The following HNF1A variants were observed in gnomAD, a reference collection of about 807,000 sequenced individuals.
The protein encoded by HNF1A is hepatocyte nuclear factor 1-alpha.
In HNF1A, 21 loss-of-function variants were observed where a neutral mutation model predicts 62.2. The observed-to-expected ratio is 0.34, with a 90% CI of 0.24 to 0.49. HNF1A has a LOEUF of 0.49. Among genes scored for constraint, HNF1A ranks in the 20% least tolerant of loss-of-function variants. The pLI, the probability that HNF1A is intolerant of heterozygous loss-of-function variation, is 0.99. For synonymous variants in HNF1A, 374 were observed against 366.8 expected (o/e 1.02, Z -0.22); for missense variants, 687 against 832.3 (o/e 0.83, Z 2.15).
chr12:120,996,598 T>G lies in HNF1A; in HGVS notation c.1165T>G (p.Leu389Val), dbSNP rs115080759. The G allele has an allele frequency of 3.7e-4, 593 of 1,614,040 alleles. 4 individuals carry two copies. The African/African-American group carries it at 7.0e-3, about 19-fold the overall frequency. Reference protein sequence around the residue: ...PVSTLTALHSLEQTSPGLNQQ... With the variant: ...PVSTLTALHSVEQTSPGLNQQ... The stretch of plus-strand genomic sequence containing the variant: ...CAGCACCCTGACAGCACTGCACAGC[T>G]TGGAGCAGACATCCCCAGGCCTCAA... The change falls in exon 6 of 10, where the codon TTG becomes GTG. Residue 389 changes from leucine (L) to valine (V), a missense_variant. Physicochemically the swap from Leu to Val is conservative, Grantham distance 32 (BLOSUM62 1). Around this residue, in one of 5 missense-constraint regions of HNF1A, gnomAD observed 408 missense variants for 455.3 expected, o/e 0.90. Coordinates refer to ENST00000257555, the MANE Select transcript of HNF1A (RefSeq NM_000545.8). The surrounding 1 kb of genome is among the most constrained non-coding windows in gnomAD (Gnocchi z 4.5).
At position 121,002,144 on chromosome 12, in the gene HNF1A, G is replaced by A; in HGVS notation, c.*952G>A. The A allele has an allele frequency of 1.9e-6, 1 of 515,136 alleles. No individual in the cohort carries two copies. Among genetic ancestry groups the A allele is most frequent in the South Asian group, 1.6e-5 (1 of 62,352 alleles). The allele number at this position is 515,136 out of a possible 1,614,324, so 31.9% of individuals were successfully genotyped here. Reference sequence around the variant, plus strand: ...GCCCGAGCAGCTGAGCAGGGCCGGGGAACTGGCCAAGCTGAGGTGCCCAGG... The same window carrying A: ...GCCCGAGCAGCTGAGCAGGGCCGGGAAACTGGCCAAGCTGAGGTGCCCAGG... On this transcript the variant is annotated 3_prime_UTR_variant, in exon 10 of 10. Coordinates refer to ENST00000257555, the MANE Select transcript of HNF1A (RefSeq NM_000545.8).
intron 1 of HNF1A, among the ~76,000 whole-genome samples, chr12:120,983,916 C>CTGTGTGTGTGTGTGTGTGTGTG (rs61680384): frequency 0.01 from 1,383 of 137,284 alleles, 24 homozygotes; most frequent in African/African-American, 0.028. Context: ...CTTGAAGACT[C>CTGTGTGTGTGTGTGTGTGTGTG]TGTGTGTGTG....
chr12:120,999,739 G>C, intron 9 of HNF1A, 112 bp downstream of exon 9: 2 of 1,365,532 alleles, frequency 1.5e-6, no homozygotes, highest in East Asian at 2.5e-5. Context: ...AGCAGGCCTA[G>C]GGCTGCTGTG....
At chr12:120,994,522 A>G in intron 4 of HNF1A, 117 bp downstream of exon 4, 1 of 1,151,978 alleles carries the variant, frequency 8.7e-7, no homozygotes, top group Non-Finnish European at 1.2e-6. Context: ...CATTCCATTC[A>G]TGCCACTCCT....
At chr12:120,980,583 A>C (rs570603611) in intron 1 of HNF1A, 1 of 150,910 alleles carries the variant, frequency 6.6e-6, no homozygotes, top group East Asian at 2.0e-4. Context: ...TGACCTGCCC[A>C]GGGCCCCAGA....
intron 9 of HNF1A, 98 bp from the exon 10 acceptor site, chr12:121,000,967 G>A (rs1272774651): frequency 6.6e-7 from 1 of 1,521,702 alleles, no homozygotes; most frequent in Non-Finnish European, 9.0e-7. Flanking sequence ...TCCAGGAGGT[G>A]TGGCCCTGCC....
chr12:120,990,237 G>T (rs1249504279), intron 2 of HNF1A, among the ~76,000 whole-genome samples: 3 of 151,996 alleles, frequency 2.0e-5, no homozygotes, highest in South Asian at 2.1e-4. Context: ...CGCCTTCCGG[G>T]TTCATGCCAT....
chr12:120,987,039 A>G (rs1402269467), intron 1 of HNF1A, among the ~76,000 whole-genome samples: 3 of 152,186 alleles, frequency 2.0e-5, no homozygotes, highest in Non-Finnish European at 4.4e-5. Context: ...CAGCAGAGAC[A>G]TGACTCACAG....
intron 1 of HNF1A, among the ~76,000 whole-genome samples, chr12:120,988,427 T>C (rs897146638): frequency 2.0e-5 from 3 of 149,698 alleles, no homozygotes; most frequent in Non-Finnish European, 4.5e-5. Context: ...CATCCATCCA[T>C]CCACCCACCC....
chr12:121,001,026 T>A (rs1592900510), intron 9 of HNF1A, 39 bp from the exon 10 acceptor site: 2 of 1,610,410 alleles, frequency 1.2e-6, no homozygotes. Context: ...TGGGTGTGGG[T>A]GCCTGGTGGG....
intron 4 of HNF1A, among the ~76,000 whole-genome samples, chr12:120,995,829 C>T (rs1275711733): frequency 1.3e-5 from 2 of 152,118 alleles, no homozygotes; most frequent in Non-Finnish European, 2.9e-5. Context: ...TCATTCCACT[C>T]AATTCCATCT....
chr12:120,989,560 T>C (rs560761223), intron 2 of HNF1A, among the ~76,000 whole-genome samples: 2 of 152,322 alleles, frequency 1.3e-5, no homozygotes, highest in Admixed American at 6.5e-5. Flanking sequence ...ATACCCGGCC[T>C]GGGTCCCTGC....
chr12:120,984,343 T>TGAGAATGA (rs762932092), intron 1 of HNF1A, among the ~76,000 whole-genome samples: 39 of 149,408 alleles, frequency 2.6e-4, no homozygotes, highest in Middle Eastern at 3.4e-3. Context: ...AGAATGAGAA[T>TGAGAATGA]GAGAGAGAGA....
Position 120,996,412 on chromosome 12 carries a change from T to A in HNF1A, c.1106T>A (p.Leu369Gln). ...AGCCTGCTGAGTACAGAAGCCAAGC[T>A]GGTGAGTGTCCTTGCTTGTAAGGAA... ...SHSLLSTEAK[L>Q]VSAAGGPLPP... Residue 369 changes from leucine to glutamine, a missense_variant and splice_region_variant, in exon 5 of 10, where the codon CTG becomes CAG. Physicochemically the swap from Leu to Gln is moderately radical, Grantham distance 113. This residue lies in a region of HNF1A where 408 missense variants were observed against 455.3 expected (regional missense o/e 0.90). Coordinates refer to ENST00000257555, the MANE Select transcript of HNF1A (RefSeq NM_000545.8). The surrounding 1 kb of genome is among the most constrained non-coding windows in gnomAD (Gnocchi z 4.5). 1 of 1,614,192 alleles carries A rather than the reference T, an allele frequency of 6.2e-7. No homozygotes were observed. Among genetic ancestry groups the A allele is most frequent in the African/African-American group, 1.3e-5 (1 of 75,050 alleles).
In HNF1A at chr12:120,996,220, G is replaced by C; in HGVS notation, c.956-42G>C. 6.2e-7 allele frequency: 1 copy of C among 1,612,004 alleles called. No individual in the cohort carries two copies. The highest frequency in any genetic ancestry group is 1.3e-5 in the African/African-American group (1 of 74,994). ...AGGGCTGTGGAGGCAGGGGAGGGCAGGGAAGTGGGGTGCTGAGGCAGGACA... is the reference window on the plus strand; with the variant it reads ...AGGGCTGTGGAGGCAGGGGAGGGCACGGAAGTGGGGTGCTGAGGCAGGACA... On this transcript the variant is annotated intron_variant, in intron 4 of 9. Coordinates refer to ENST00000257555, the MANE Select transcript of HNF1A (RefSeq NM_000545.8). This position sits in a 1 kb window ranked among gnomAD's most constrained non-coding sequence, Gnocchi z 4.5.
intron 6 of HNF1A, 62 bp from the exon 7 acceptor site, chr12:120,997,412 G>T (rs1877165014): frequency 1.3e-6 from 2 of 1,512,892 alleles, no homozygotes; most frequent in Admixed American, 3.7e-5. Context: ...CCCTTGGGAG[G>T]TCTTGGGCAG....
chr12:121,001,015 G>A lies in HNF1A; in HGVS notation c.1769-50G>A, dbSNP rs749368168. 7 of 1,609,222 alleles carry A rather than the reference G, an allele frequency of 4.3e-6. No individual in the cohort carries two copies. The Admixed American group carries it at 5.0e-5, about 11-fold the overall frequency. On this transcript the variant is annotated intron_variant, in intron 9 of 9. Transcript: ENST00000257555. ...GTACCCCTAGGGACAGGCAGGTGGG[G>A]TGGGTGTGGGTGCCTGGTGGGTGGC...
rs544921936 is a variant in HNF1A at position 120,996,238 on chromosome 12, G to A, written c.956-24G>A. 29 of 1,613,384 alleles carry A rather than the reference G, an allele frequency of 1.8e-5. No homozygotes were observed. In the South Asian group the frequency reaches 2.3e-4, roughly 13 times the overall value. ...GAGGGCAGGGAAGTGGGGTGCTGAG[G>A]CAGGACACTGCTTCCCTCTCCAGGT... On this transcript the variant is annotated intron_variant, in intron 4 of 9. Transcript: ENST00000257555. This position sits in a 1 kb window ranked among gnomAD's most constrained non-coding sequence, Gnocchi z 4.5.
rs2135847638 is a variant in HNF1A at position 120,997,540 on chromosome 12, T to C, written c.1376T>C (p.Leu459Pro). ...AGCATGGGCAGCAGCCTGACCACCC[T>C]GCAGCCCGTCCAGTTCTCCCAGCCG... Reference protein sequence around the residue: ...INSMGSSLTTLQPVQFSQPLH... With the variant: ...INSMGSSLTTPQPVQFSQPLH... The change falls in exon 7 of 10, where the codon CTG becomes CCG. Residue 459 changes from leucine to proline, a missense_variant. Leu to Pro is a moderately conservative substitution (Grantham distance 98). Coordinates refer to ENST00000257555, the MANE Select transcript of HNF1A (RefSeq NM_000545.8). 6.2e-7 allele frequency: 1 copy of C among 1,613,434 alleles called. No homozygotes were observed. Among genetic ancestry groups the C allele is most frequent in the East Asian group, 2.2e-5 (1 of 44,868 alleles).
Sources: gnomAD v4.1 joint callset for allele counts (sites outside exome capture counted in the v4.1 genomes callset) on GRCh38, gnomAD v4.1.1 for gene constraint, gnomAD v4.1.1 regional missense constraint, Gnocchi (gnomAD v3.1) non-coding constraint, MANE v1.5 for transcripts, NCBI Gene and HGNC (gene_info 2026-07-23, HGNC 2026-07-21) for gene names.